Variants in SLC26A9 observed in about 807,000 individuals in gnomAD.
SLC26A9 encodes solute carrier family 26 member 9, also known as anion transporter/exchanger protein 9.
SLC26A9 carries 46 observed loss-of-function variants against 87.1 expected under a neutral mutation model. The ratio of observed to expected loss-of-function variants is 0.53; its 90% confidence interval spans 0.42 to 0.67. The LOEUF (loss-of-function observed/expected upper bound fraction) is 0.67. Ranked by LOEUF, SLC26A9 falls within the 30% of genes least tolerant of loss-of-function variation. The pLI, the probability that SLC26A9 is intolerant of heterozygous loss-of-function variation, is 0.00. For synonymous variants in SLC26A9, 437 were observed against 409.1 expected, an observed-to-expected ratio of 1.07 and a Z score of -0.82; for missense variants, 927 against 1,018.3, an observed-to-expected ratio of 0.91 and a Z score of 1.22.
rs545727997 is a variant in SLC26A9, at chr1:205,921,777, G to T, written c.1844C>A (p.Thr615Asn). The change falls in exon 17 of 21, where the codon ACC becomes AAC. Residue 615 changes from threonine (T) to asparagine (N), a missense_variant. By Grantham distance (65) the Thr-to-Asn change is moderately conservative. Transcript: ENST00000367135. ...GGACACGCTGGTGCCGTTAGCCGGG[G>T]TCTGGTTGTTGTTGGGGTCGGTGGG... ...APPTDPNNNQTPANGTSVSYI... is the reference protein window; with the variant it reads ...APPTDPNNNQNPANGTSVSYI... 2 of 1,604,454 alleles carry T rather than the reference G, an allele frequency of 1.2e-6. No individual in the cohort carries two copies. The highest frequency in any genetic ancestry group is 1.7e-6 in the Non-Finnish European group (2 of 1,176,232).
intron 2 of SLC26A9, 109 bp downstream of exon 2, chr1:205,935,587 C>A (rs560567527): frequency 2.6e-5 from 39 of 1,502,872 alleles, no homozygotes; most frequent in Non-Finnish European, 3.3e-5. Context: ...TTCCCCAGGG[C>A]TTCCCTTAAC....
rs1333536417 is a variant in SLC26A9 at position 205,932,686 on chromosome 1, A to C, written c.376+16T>G. ...GGTCTGGGTCATCCTGCCTGCCCAG[A>C]GGGGAGAGGCCTTACCTGGCACCAT... On this transcript the variant is annotated intron_variant, in intron 4 of 20. Transcript: ENST00000367135. 2.0e-6 allele frequency: 3 copies of C among 1,533,898 alleles called. No individual in the cohort carries two copies. The African/African-American group carries it at 4.2e-5, about 21-fold the overall frequency.
chr1:205,929,981 C>T lies in SLC26A9; in HGVS notation c.628G>A (p.Ala210Thr). The T allele has an allele frequency of 6.2e-7, 1 of 1,613,912 alleles. No individual in the cohort carries two copies. The highest frequency in any genetic ancestry group is 8.5e-7 in the Non-Finnish European group (1 of 1,179,808). Reference sequence around the variant, plus strand: ...GAAATCAGGATCTGCAGGCCGGCGGCCGTCATGAAGCCCCGGATGAAGGAC... The same window carrying T: ...GAAATCAGGATCTGCAGGCCGGCGGTCGTCATGAAGCCCCGGATGAAGGAC... ...SESFIRGFMT[A>T]AGLQILISVL... Residue 210 changes from alanine (A) to threonine (T), a missense_variant, in exon 6 of 21, where the codon GCC becomes ACC. Transcript: ENST00000367135.
chr1:205,922,587 A>G (rs1042902078), intron 16 of SLC26A9, among the ~76,000 whole-genome samples: 2 of 152,116 alleles, frequency 1.3e-5, no homozygotes, highest in Non-Finnish European at 2.9e-5. Flanking sequence ...TCCCTGGGAG[A>G]TGGTAGCACC....
intron 16 of SLC26A9, among the ~76,000 whole-genome samples, chr1:205,922,108 TCTCTGGGAGAAAG>T (rs1658864310): frequency 6.6e-6 from 1 of 152,184 alleles, no homozygotes; most frequent in Admixed American, 6.5e-5. Context: ...AAGCCCACTC[TCTCTGGGAGAAAG>T]CCCCTCCGGG....
chr1:205,939,916 G>T (rs1322906581), intron 1 of SLC26A9, among the ~76,000 whole-genome samples: 1 of 152,164 alleles, frequency 6.6e-6, no homozygotes, highest in Admixed American at 6.5e-5. Flanking sequence ...TACAAGCCCT[G>T]CCCCCACCAC....
chr1:205,936,883 G>A (rs1306271756), intron 1 of SLC26A9, among the ~76,000 whole-genome samples: 2 of 152,188 alleles, frequency 1.3e-5, no homozygotes, highest in East Asian at 1.9e-4. Context: ...GGTTGTCAGA[G>A]GGGAGCAGGT....
intron 1 of SLC26A9, among the ~76,000 whole-genome samples, chr1:205,936,431 C>T (rs1028449551): frequency 2.0e-5 from 3 of 152,144 alleles, no homozygotes; most frequent in African/African-American, 7.2e-5. Context: ...GATGGTCCAC[C>T]TGCCGGCTCT....
At chr1:205,925,357 C>T (rs553686321) in intron 12 of SLC26A9, among the ~76,000 whole-genome samples, 5 of 152,092 alleles carry the variant, frequency 3.3e-5, no homozygotes, top group South Asian at 2.1e-4. Flanking sequence ...TTGATAGTTG[C>T]CCCCTATAGA....
chr1:205,935,482 C>G (rs1659473145), intron 2 of SLC26A9: 1 of 577,780 alleles, frequency 1.7e-6, no homozygotes, highest in African/African-American at 1.9e-5. Context: ...CCATATAACC[C>G]TTCTGGATGG....
Position 205,931,843 on chromosome 1 carries a change from G to A in SLC26A9, c.552+17C>T. ...GGTCTGATGCCCTTCTAGCAGGGTTGGGGGCTGCCCCCTCACCTGGATGAT... is the reference window on the plus strand; with the variant it reads ...GGTCTGATGCCCTTCTAGCAGGGTTAGGGGCTGCCCCCTCACCTGGATGAT... On this transcript the variant is annotated intron_variant, in intron 5 of 20. Coordinates refer to ENST00000367135, the MANE Select transcript of SLC26A9 (RefSeq NM_052934.4). 6.2e-7 allele frequency: 1 copy of A among 1,608,378 alleles called. No individual in the cohort carries two copies. Among genetic ancestry groups the A allele is most frequent in the Non-Finnish European group, 8.5e-7 (1 of 1,177,148 alleles).
chr1:205,928,689 G>T lies in SLC26A9; in HGVS notation c.953+138C>A, dbSNP rs535755113. On this transcript the variant is annotated intron_variant, in intron 8 of 20. Transcript: ENST00000367135. ...CGGCCCTTCTCAGGAAACGGTAATA[G>T]TAATAATTCATACATGGTCAGTGTC... 5.1e-6 allele frequency: 4 copies of T among 779,976 alleles called. No individual in the cohort carries two copies. The South Asian group carries it at 5.3e-5, about 10-fold the overall frequency. 48.3% of individuals were successfully genotyped at this position (779,976 alleles called of 1,614,324 possible).
rs768740253 is a variant in SLC26A9, at chr1:205,923,431, T to C, written c.1567-4A>G. 1.9e-6 allele frequency: 3 copies of C among 1,614,148 alleles called. No individual in the cohort carries two copies. Among genetic ancestry groups the C allele is most frequent in the Non-Finnish European group, 2.5e-6 (3 of 1,180,000 alleles). On this transcript the variant is annotated splice_region_variant and splice_polypyrimidine_tract_variant and intron_variant, in intron 14 of 20. Coordinates refer to ENST00000367135, the MANE Select transcript of SLC26A9 (RefSeq NM_052934.4). ...TAATCCCCTGGATATCCTGGGCCTG[T>C]GACAGGGAGACTGAGCTCAAGTTGC... is the stretch of plus-strand genomic sequence containing the variant.
intron 7 of SLC26A9, 135 bp downstream of exon 7, chr1:205,929,069 G>C (rs149956837): frequency 1.4e-6 from 2 of 1,462,776 alleles, no homozygotes; most frequent in South Asian, 1.3e-5. Flanking sequence ...CGCCACATAC[G>C]GGGGATGGGA....
At chr1:205,918,260 G>GA (rs770980191) in intron 19 of SLC26A9, among the ~76,000 whole-genome samples, 43 of 152,108 alleles carry the variant, frequency 2.8e-4, no homozygotes, top group Non-Finnish European at 1.6e-4. Flanking sequence ...AAGGAGGTAG[G>GA]CTTTTTCTGA....
Position 205,929,309 on chromosome 1 carries a change from C to A in SLC26A9, c.765G>T (p.Ser255=). The A allele has an allele frequency of 1.2e-6, 2 of 1,614,162 alleles. No homozygotes were observed. Among genetic ancestry groups the A allele is most frequent in the Non-Finnish European group, 1.7e-6 (2 of 1,180,030 alleles). The change falls in exon 7 of 21, where the codon TCG becomes TCT. Residue 255 remains serine (S), a synonymous_variant. Transcript: ENST00000367135. ...CACCGCTGATGAGAGCGAAGATGAG[C>A]GAGGCGATGTTGGTGTGGGGGAGGT... ...CKNLPHTNIA[S]LIFALISGAF...
chr1:205,927,118 G>A (rs922636877), intron 11 of SLC26A9, 93 bp downstream of exon 11: 3 of 1,286,868 alleles, frequency 2.3e-6, no homozygotes, highest in Non-Finnish European at 3.4e-6. Context: ...TGACAACAGT[G>A]GCACTTTGTG....
chr1:205,926,649 G>A lies in SLC26A9; in HGVS notation c.1294-19C>T, dbSNP rs142622727. 1 of 1,607,648 alleles carries A rather than the reference G, an allele frequency of 6.2e-7. No homozygotes were observed. Among genetic ancestry groups the A allele is most frequent in the African/African-American group, 1.3e-5 (1 of 74,910 alleles). Reference sequence around the variant, plus strand: ...GCACAGACTAGAGAAGCAGAACATTGCTCCAGGACCCCAGGGTCTCCCCTT... The same window carrying A: ...GCACAGACTAGAGAAGCAGAACATTACTCCAGGACCCCAGGGTCTCCCCTT... On this transcript the variant is annotated intron_variant, in intron 11 of 20. Coordinates refer to ENST00000367135, the MANE Select transcript of SLC26A9 (RefSeq NM_052934.4).
At position 205,935,691 on chromosome 1, in the gene SLC26A9, G is replaced by C. The variant is rs368849505; in HGVS notation, c.125+5C>G. 53 of 1,613,888 alleles carry C rather than the reference G, an allele frequency of 3.3e-5. No homozygotes were observed. The African/African-American group carries it at 6.9e-4, about 21-fold the overall frequency. On this transcript the variant is annotated splice_donor_5th_base_variant and intron_variant, in intron 2 of 20. Coordinates refer to ENST00000367135, the MANE Select transcript of SLC26A9 (RefSeq NM_052934.4). ...AGGCAGAAGTCTGGGCTCTGGACCAGTTACCTGAAGGCATTGCGAAGTTTC... is the reference window on the plus strand; with the variant it reads ...AGGCAGAAGTCTGGGCTCTGGACCACTTACCTGAAGGCATTGCGAAGTTTC...
Sources: allele counts gnomAD v4.1 joint callset (sites outside exome capture counted in the v4.1 genomes callset), GRCh38; gene constraint gnomAD v4.1.1; transcripts MANE v1.5; gene names NCBI Gene and HGNC (gene_info 2026-07-23, HGNC 2026-07-21).